Variants in FTO observed in about 807,000 individuals in gnomAD.
The protein encoded by FTO is alpha-ketoglutarate-dependent dioxygenase FTO.
A neutral mutation model predicts 63.9 loss-of-function variants in FTO; 47 were observed. The ratio of observed to expected loss-of-function variants is 0.74; its 90% CI spans 0.58 to 0.94. FTO has a LOEUF of 0.94. Among genes scored for constraint, FTO ranks in the 40% least tolerant of loss-of-function variants. FTO has a pLI of 0.00. For missense variants in FTO, 562 were observed against 618.1 expected (o/e 0.91, Z 0.96); for synonymous variants, 207 against 224.4 (o/e 0.92, Z 0.69).
intron 8 of FTO, among the ~76,000 whole-genome samples, chr16:54,048,913 A>T (rs2085248770): frequency 6.6e-6 from 1 of 152,152 alleles, no homozygotes; most frequent in African/African-American, 2.4e-5. Context: ...ATCTAATATA[A>T]ATCTGTAATG....
At chr16:54,017,439 TAGA>T (rs1256709489) in intron 8 of FTO, among the ~76,000 whole-genome samples, 3 of 148,466 alleles carry the variant, frequency 2.0e-5, no homozygotes, top group South Asian at 2.1e-4. Context: ...TGGCTTACAT[TAGA>T]AGGAGCATCT....
chr16:53,997,398 C>T (rs552450034), intron 8 of FTO, among the ~76,000 whole-genome samples: 3 of 152,136 alleles, frequency 2.0e-5, no homozygotes, highest in African/African-American at 4.8e-5. Context: ...ACAGCCAAAC[C>T]GTATCAGGTG....
At chr16:53,849,224 G>C (rs973526800) in intron 4 of FTO, among the ~76,000 whole-genome samples, 4 of 152,128 alleles carry the variant, frequency 2.6e-5, no homozygotes, top group African/African-American at 9.7e-5. Flanking sequence ...TGCCTTCACT[G>C]TAAAATGGGA....
intron 4 of FTO, among the ~76,000 whole-genome samples, chr16:53,869,356 T>C (rs574530866): frequency 2.5e-4 from 38 of 152,222 alleles, no homozygotes; most frequent in Non-Finnish European, 4.6e-4. Flanking sequence ...AGTTTGAATA[T>C]AATATGCCTA....
chr16:54,001,994 C>T lies in FTO; in HGVS notation c.1364+67885C>T, dbSNP rs1036636474. Among the ~76,000 whole-genome samples the T allele has an allele frequency of 3.9e-5, 6 of 152,150 alleles. No individual in the cohort carries two copies. The South Asian group carries it at 6.2e-4, about 16-fold the overall frequency. ...TTAGTCACATTTTGTTTCAAACACC[C>T]GAGGAAAGGTACAGCAGCTTTCTAC... On this transcript the variant is annotated intron_variant, in intron 8 of 8. Transcript: ENST00000471389.
intron 8 of FTO, among the ~76,000 whole-genome samples, chr16:54,003,986 A>C (rs1358640375): frequency 2.0e-5 from 3 of 152,166 alleles, no homozygotes; most frequent in South Asian, 2.1e-4. Context: ...AAATAAGATT[A>C]TCTTATATGA....
intron 8 of FTO, among the ~76,000 whole-genome samples, chr16:54,033,068 TTTTCTTTATAAA>T (rs2084867760): frequency 6.6e-6 from 1 of 152,182 alleles, no homozygotes; most frequent in African/African-American, 2.4e-5. Flanking sequence ...ATTAAACCTC[TTTTCTTTATAAA>T]TTACCCAGTC....
chr16:53,883,140 G>A (rs909456197), intron 6 of FTO, among the ~76,000 whole-genome samples: 2 of 152,038 alleles, frequency 1.3e-5, no homozygotes, highest in African/African-American at 2.4e-5. Context: ...TATTTCCTTC[G>A]CAAAAAATCT....
intron 8 of FTO, among the ~76,000 whole-genome samples, chr16:54,014,903 T>C (rs1257790627): frequency 1.3e-5 from 2 of 148,622 alleles, no homozygotes; most frequent in African/African-American, 2.5e-5. Context: ...TCATCCAGTC[T>C]GGAGTGCAGT....
chr16:54,089,121 G>A (rs550846011), intron 8 of FTO, among the ~76,000 whole-genome samples: 1 of 152,328 alleles, frequency 6.6e-6, no homozygotes, highest in African/African-American at 2.4e-5. Context: ...AGTAGGTGCT[G>A]AGATACTCAC....
chr16:53,815,655 T>G (rs1386755941), intron 2 of FTO, among the ~76,000 whole-genome samples: 10 of 85,824 alleles, frequency 1.2e-4, no homozygotes, highest in African/African-American at 2.5e-4. Context: ...TTTTTTTTTT[T>G]TTTTTTTTTT....
chr16:53,757,791 C>A (rs1169253137), intron 1 of FTO, among the ~76,000 whole-genome samples: 1 of 152,122 alleles, frequency 6.6e-6, no homozygotes, highest in Admixed American at 6.5e-5. Context: ...TTCTTTCTCT[C>A]TCTGTCCATC....
At chr16:53,719,941 T>C (rs1484980065) in intron 1 of FTO, among the ~76,000 whole-genome samples, 2 of 152,172 alleles carry the variant, frequency 1.3e-5, no homozygotes, top group African/African-American at 2.4e-5. Context: ...GACTATACTT[T>C]ATTTTTCTTT....
intron 8 of FTO, among the ~76,000 whole-genome samples, chr16:53,976,766 C>T (rs2083445871): frequency 6.6e-6 from 1 of 151,992 alleles, no homozygotes. Flanking sequence ...AAATTTTCTT[C>T]ACATTCTCCT....
intron 1 of FTO, among the ~76,000 whole-genome samples, chr16:53,796,983 T>A (rs1463040421): frequency 6.6e-6 from 1 of 152,228 alleles, no homozygotes; most frequent in Non-Finnish European, 1.5e-5. Context: ...CTGCTTTCTG[T>A]CACTATTGAC....
chr16:53,833,906 C>T (rs938540047), intron 3 of FTO, among the ~76,000 whole-genome samples: 23 of 152,012 alleles, frequency 1.5e-4, no homozygotes, highest in African/African-American at 5.3e-4. Context: ...GTTGTTTGCC[C>T]ATTTTTGAAT....
intron 7 of FTO, among the ~76,000 whole-genome samples, chr16:53,930,221 CTTTTTTTTTTTT>C (rs1014205147): frequency 1.3e-5 from 1 of 75,692 alleles, no homozygotes; most frequent in East Asian, 3.5e-4. Context: ...TGATTATCTT[CTTTTTTTTTTTT>C]TTTTTTTTTT....
intron 1 of FTO, among the ~76,000 whole-genome samples, chr16:53,797,883 T>C (rs1308197562): frequency 6.6e-6 from 1 of 152,140 alleles, no homozygotes; most frequent in African/African-American, 2.4e-5. Context: ...AATCTCTGCC[T>C]TGTGTAACTT....
intron 8 of FTO, among the ~76,000 whole-genome samples, chr16:54,030,404 T>C (rs1398283575): frequency 6.6e-6 from 1 of 152,180 alleles, no homozygotes; most frequent in African/African-American, 2.4e-5. Flanking sequence ...AAGGACTTCG[T>C]TGTATAAAAA....
Sources: allele counts gnomAD v4.1 joint callset (sites outside exome capture counted in the v4.1 genomes callset), GRCh38; gene constraint gnomAD v4.1.1; transcripts MANE v1.5; gene names NCBI Gene and HGNC (gene_info 2026-07-23, HGNC 2026-07-21).